PRIM2: variants seen among roughly 807,000 people sequenced by gnomAD.
The protein encoded by PRIM2 is DNA primase large subunit.
In PRIM2, 39 loss-of-function variants were observed where a neutral mutation model predicts 67.3. That is an observed-to-expected ratio of 0.58 (90% CI 0.45 to 0.76). The LOEUF (loss-of-function observed/expected upper bound fraction) is 0.76. Ranked by LOEUF, PRIM2 falls within the 30% of genes least tolerant of loss-of-function variation. The pLI is 0.00. For synonymous variants in PRIM2, 143 were observed against 198.7 expected, an observed-to-expected ratio of 0.72 and a Z score of 2.36; for missense variants, 398 against 598.7, an observed-to-expected ratio of 0.66 and a Z score of 3.50.
chr6:57,614,155 T>G (rs1274752377), intron 12 of PRIM2, among the ~76,000 whole-genome samples: 4 of 152,218 alleles, frequency 2.6e-5, no homozygotes, highest in African/African-American at 9.6e-5. Flanking sequence ...GTGGCCATGT[T>G]AGATTCTCAT....
At chr6:57,430,819 A>C (rs5023871) in intron 7 of PRIM2, among the ~76,000 whole-genome samples, 2 of 152,168 alleles carry the variant, frequency 1.3e-5, no homozygotes, top group Admixed American at 6.6e-5. Context: ...GCTAAAAGAC[A>C]AAGAAAATAA....
intron 7 of PRIM2, among the ~76,000 whole-genome samples, chr6:57,478,937 G>A (rs1333582859): frequency 3.9e-5 from 6 of 152,142 alleles, no homozygotes; most frequent in Non-Finnish European, 7.4e-5. Context: ...ACCTGAGGTC[G>A]GGAGTTCGAG....
chr6:57,315,350 C>T (rs573733817), upstream of PRIM2, among the ~76,000 whole-genome samples: 18,717 of 152,036 alleles, frequency 0.12, 1,266 homozygotes, highest in African/African-American at 0.17. Context: ...ACCTAATTAA[C>T]ATCCCTCTAC....
intron 7 of PRIM2, among the ~76,000 whole-genome samples, chr6:57,495,056 C>A (rs1554346246): frequency 6.6e-6 from 1 of 152,078 alleles, no homozygotes; most frequent in African/African-American, 2.4e-5. Flanking sequence ...AATCACAAGG[C>A]TCTAGTTTTA....
chr6:57,474,754 T>C (rs1773434151), intron 7 of PRIM2, among the ~76,000 whole-genome samples: 1 of 152,090 alleles, frequency 6.6e-6, no homozygotes, highest in South Asian at 2.1e-4. Flanking sequence ...CAGTTTATGA[T>C]CCCTATTTAA....
chr6:57,322,528 C>A (rs551094340), intron 3 of PRIM2, among the ~76,000 whole-genome samples: 37 of 152,204 alleles, frequency 2.4e-4, no homozygotes, highest in African/African-American at 8.2e-4. Context: ...TTATAAGGGG[C>A]TTTTCCCTAT....
chr6:57,311,791 C>T (rs1273541944), upstream of PRIM2, among the ~76,000 whole-genome samples: 14 of 152,006 alleles, frequency 9.2e-5, no homozygotes, highest in Admixed American at 8.5e-4. Context: ...CCTCGGGAGG[C>T]GGAGGCGGGC....
chr6:57,510,292 GT>G (rs1337454671), intron 8 of PRIM2, among the ~76,000 whole-genome samples: 1 of 151,928 alleles, frequency 6.6e-6, no homozygotes, highest in Non-Finnish European at 1.5e-5. Context: ...AAATTTTGTT[GT>G]TTTTTTCTGC....
At chr6:57,531,558 A>T (rs1774892611) in intron 8 of PRIM2, among the ~76,000 whole-genome samples, 1 of 152,166 alleles carries the variant, frequency 6.6e-6, no homozygotes. Flanking sequence ...TGTTGTGTGA[A>T]GGAGGTCAAA....
At chr6:57,496,454 AT>A (rs1410598168) in intron 7 of PRIM2, among the ~76,000 whole-genome samples, 3 of 152,176 alleles carry the variant, frequency 2.0e-5, no homozygotes, top group Non-Finnish European at 4.4e-5. Context: ...TCTTTTAAAC[AT>A]TTACTAGAAG....
the PRIM2 span, among the ~76,000 whole-genome samples, chr6:57,292,334 A>G: frequency 3.3e-5 from 5 of 152,180 alleles, no homozygotes; most frequent in African/African-American, 4.8e-5. Context: ...CCACTGCTCA[A>G]TGAAATAAAA....
intron 8 of PRIM2, among the ~76,000 whole-genome samples, chr6:57,523,287 A>G (rs1774668184): frequency 6.6e-6 from 1 of 152,266 alleles, no homozygotes; most frequent in African/African-American, 2.4e-5. Flanking sequence ...AAAGCAATTA[A>G]GAAATCTTTG....
chr6:57,231,134 G>A, the PRIM2 span, among the ~76,000 whole-genome samples: 1 of 152,208 alleles, frequency 6.6e-6, no homozygotes, highest in African/African-American at 2.4e-5. Context: ...GGGATATCCA[G>A]TGAAGCTTTC....
intron 7 of PRIM2, among the ~76,000 whole-genome samples, chr6:57,407,075 T>C (rs1562735838): frequency 3.3e-5 from 5 of 151,994 alleles, no homozygotes; most frequent in South Asian, 4.2e-4. Context: ...TAAACAAGAT[T>C]GGTAACCCGA....
intron 10 of PRIM2, among the ~76,000 whole-genome samples, chr6:57,576,953 A>G (rs1775974078): frequency 6.6e-6 from 1 of 151,658 alleles, no homozygotes; most frequent in African/African-American, 2.4e-5. Context: ...AGTATATTGT[A>G]ATTTGTATAG....
At chr6:57,253,408 T>C in the PRIM2 span, among the ~76,000 whole-genome samples, 2 of 152,174 alleles carry the variant, frequency 1.3e-5, no homozygotes, top group African/African-American at 4.8e-5. Context: ...GAAACTTTAA[T>C]GCTTCTTGGG....
In PRIM2 at chr6:57,320,570, A is replaced by G. The variant is rs1767620830; in HGVS notation, c.258+10A>G. 3 of 1,542,040 alleles carry G rather than the reference A, an allele frequency of 1.9e-6. No homozygotes were observed. The highest frequency in any genetic ancestry group is 1.4e-5 in the African/African-American group (1 of 72,546). Reference sequence around the variant, plus strand: ...CAAGTTTTCCTACAGAGTAAGTAAAAAAGGAAAAAAAAGTTCCTTCAGTTT... The same window carrying G: ...CAAGTTTTCCTACAGAGTAAGTAAAGAAGGAAAAAAAAGTTCCTTCAGTTT... On this transcript the variant is annotated intron_variant, in intron 3 of 13. Coordinates refer to ENST00000615550, the MANE Select transcript of PRIM2 (RefSeq NM_000947.5).
chr6:57,385,442 G>A (rs1770111368), intron 7 of PRIM2, among the ~76,000 whole-genome samples: 2 of 152,160 alleles, frequency 1.3e-5, no homozygotes, highest in African/African-American at 4.8e-5. Flanking sequence ...CCAGCCTGAT[G>A]TCTTGGCACC....
chr6:57,584,291 GA>G (rs1223595269), intron 10 of PRIM2, among the ~76,000 whole-genome samples: 1 of 152,162 alleles, frequency 6.6e-6, no homozygotes, highest in African/African-American at 2.4e-5. Context: ...CAGTATTCCT[GA>G]ACAGATAGCT....
Sources: allele counts gnomAD v4.1 joint callset (sites outside exome capture counted in the v4.1 genomes callset), GRCh38; gene constraint gnomAD v4.1.1; transcripts MANE v1.5; gene names NCBI Gene and HGNC (gene_info 2026-07-23, HGNC 2026-07-21).